The following RB1 variants were observed in gnomAD, a reference collection of about 807,000 sequenced individuals.
RB1 encodes the protein RB transcriptional corepressor 1.
A neutral mutation model predicts 135.4 loss-of-function variants in RB1; 18 were observed. The observed-to-expected ratio is 0.13, with a 90% CI of 0.09 to 0.20. The LOEUF (loss-of-function observed/expected upper bound fraction) is 0.20. Among genes scored for constraint, RB1 ranks in the 10% least tolerant of loss-of-function variants. The pLI is 1.00. For synonymous variants in RB1, 365 were observed against 373.2 expected, an observed-to-expected ratio of 0.98 and a Z score of 0.25; for missense variants, 868 against 1,110.0, an observed-to-expected ratio of 0.78 and a Z score of 3.10.
At chr13:48,464,957 A>AATTTT in intron 21 of RB1, 41 bp from the exon 22 acceptor site, 2 of 1,136,272 alleles carry the variant, frequency 1.8e-6, no homozygotes, top group Non-Finnish European at 2.4e-6. Flanking sequence ...AGTAAATTTT[A>AATTTT]CTTTTTTTTT....
chr13:48,423,120 G>A (rs568542532), intron 17 of RB1, among the ~76,000 whole-genome samples: 1 of 152,184 alleles, frequency 6.6e-6, no homozygotes, highest in South Asian at 2.1e-4. Context: ...ACAGAGAGAG[G>A]CCTGTTCTCA....
At chr13:48,304,868 TGG>T (rs200480585) in intron 1 of RB1, among the ~76,000 whole-genome samples, 3,599 of 152,240 alleles carry the variant, frequency 0.024, 149 homozygotes, top group East Asian at 0.14. Flanking sequence ...GCAAGGATCT[TGG>T]TGTCCCCTCT....
At chr13:48,342,476 C>A in intron 2 of RB1, 123 bp from the exon 3 acceptor site, 1 of 642,106 alleles carries the variant, frequency 1.6e-6, no homozygotes. Flanking sequence ...TACAAATATA[C>A]AGTATTACAA....
At chr13:48,328,058 A>T in intron 2 of RB1, 1 of 784,150 alleles carries the variant, frequency 1.3e-6, no homozygotes, top group Non-Finnish European at 2.2e-6. Flanking sequence ...ACCCACCCAC[A>T]CCCCAATTTC....
At chr13:48,460,038 C>T (rs527652240) in intron 20 of RB1, among the ~76,000 whole-genome samples, 2 of 149,428 alleles carry the variant, frequency 1.3e-5, no homozygotes, top group African/African-American at 2.5e-5. Context: ...GGCGCAATCT[C>T]GGCTCACTGC....
chr13:48,373,517 T>C (rs2138131469), intron 12 of RB1, 25 bp downstream of exon 12: 1 of 1,403,992 alleles, frequency 7.1e-7, no homozygotes, highest in Non-Finnish European at 1.0e-6. Flanking sequence ...AAACATTATT[T>C]ATTGTAATAT....
In RB1 at chr13:48,465,285, G is replaced by A. The variant is rs866638680; in HGVS notation, c.2406G>A (p.Gly802=). Residue 802 remains glycine (G), a synonymous_variant, in exon 23 of 27, where the codon GGG becomes GGA. Coordinates refer to ENST00000267163, the MANE Select transcript of RB1 (RefSeq NM_000321.3). ...FPSSPLRIPG[G]NIYISPLKSP... ...GTTCACCCTTACGGATTCCTGGAGG[G>A]AACATCTATATTTCACCCCTGAAGA... The A allele has an allele frequency of 9.3e-6, 15 of 1,611,954 alleles. No individual in the cohort carries two copies. In the Middle Eastern group the frequency reaches 1.3e-3, roughly 142 times the overall value.
intron 2 of RB1, among the ~76,000 whole-genome samples, chr13:48,331,865 T>C (rs751657781): frequency 1.6e-4 from 25 of 152,300 alleles, no homozygotes; most frequent in East Asian, 7.7e-4. Flanking sequence ...ATTAGATGTA[T>C]AGATAAAATG....
At chr13:48,411,740 T>G in intron 17 of RB1, 1 of 1,609,894 alleles carries the variant, frequency 6.2e-7, no homozygotes, top group Non-Finnish European at 8.5e-7. Flanking sequence ...AAATCATTTT[T>G]AAAACCTTAG....
intron 17 of RB1, among the ~76,000 whole-genome samples, chr13:48,433,881 A>G (rs2138285966): frequency 6.6e-6 from 1 of 151,896 alleles, no homozygotes; most frequent in Admixed American, 6.6e-5. Context: ...TGTTTTATTT[A>G]TATGTATATA....
chr13:48,373,895 C>T (rs917932247), intron 12 of RB1, among the ~76,000 whole-genome samples: 3 of 151,974 alleles, frequency 2.0e-5, no homozygotes, highest in Admixed American at 6.6e-5. Context: ...TAGCTTTGCT[C>T]GATCTTCAAT....
At chr13:48,341,778 T>C (rs1354660731) in intron 2 of RB1, among the ~76,000 whole-genome samples, 1 of 152,012 alleles carries the variant, frequency 6.6e-6, no homozygotes, top group Admixed American at 6.5e-5. Context: ...TTCAAAATAA[T>C]GTAAGATGGT....
At chr13:48,320,353 A>C (rs1005575216) in intron 2 of RB1, 20 of 1,246,690 alleles carry the variant, frequency 1.6e-5, no homozygotes, top group Non-Finnish European at 2.3e-5. Context: ...GCTCACCGAC[A>C]CGCTCTCCAC....
chr13:48,316,943 G>C (rs894826296), intron 2 of RB1: 3 of 361,868 alleles, frequency 8.3e-6, no homozygotes, highest in Non-Finnish European at 1.6e-5. Flanking sequence ...AGGCGTGCCC[G>C]CCCAAGGTGC....
At chr13:48,394,857 A>G (rs150374341) in intron 17 of RB1, among the ~76,000 whole-genome samples, 1,567 of 152,342 alleles carry the variant, frequency 0.01, 24 homozygotes, top group African/African-American at 0.035. Flanking sequence ...CTGGCTCTGA[A>G]GAGAGCAGCA....
chr13:48,333,367 A>G (rs1399128038), intron 2 of RB1, among the ~76,000 whole-genome samples: 1 of 152,198 alleles, frequency 6.6e-6, no homozygotes, highest in Non-Finnish European at 1.5e-5. Context: ...AGTAGTAGAT[A>G]TCAGTTTTGT....
chr13:48,451,434 A>G (rs956890218), intron 17 of RB1, among the ~76,000 whole-genome samples: 6 of 152,132 alleles, frequency 3.9e-5, no homozygotes, highest in South Asian at 2.1e-4. Context: ...ATTGGTTTGC[A>G]TATGTTGAAC....
intron 2 of RB1, among the ~76,000 whole-genome samples, chr13:48,339,216 T>G (rs554790576): frequency 1.3e-3 from 200 of 152,284 alleles, no homozygotes; most frequent in Non-Finnish European, 1.8e-3. Flanking sequence ...ACAGGGACAT[T>G]TAAGTCTGCA....
intron 2 of RB1, among the ~76,000 whole-genome samples, chr13:48,324,151 T>G (rs564426003): frequency 3.2e-4 from 48 of 152,240 alleles, no homozygotes; most frequent in African/African-American, 1.2e-3. Context: ...GACCAAATCA[T>G]GGTAGTTGGA....
Sources: gnomAD v4.1 joint callset for allele counts (sites outside exome capture counted in the v4.1 genomes callset) on GRCh38, gnomAD v4.1.1 for gene constraint, MANE v1.5 for transcripts, NCBI Gene and HGNC (gene_info 2026-07-23, HGNC 2026-07-21) for gene names.